MARS1: variants seen among roughly 807,000 people sequenced by gnomAD.
MARS1 encodes the protein methionyl-tRNA synthetase 1.
A neutral mutation model predicts 119.5 loss-of-function variants in MARS1; 80 were observed. That is an observed-to-expected ratio of 0.67 (90% CI 0.56 to 0.81). The LOEUF (loss-of-function observed/expected upper bound fraction) is 0.81. Among genes scored for constraint, MARS1 ranks in the 30% least tolerant of loss-of-function variants. The pLI, the probability that MARS1 is intolerant of heterozygous loss-of-function variation, is 0.00. For missense variants in MARS1, 945 were observed against 1,116.5 expected, an observed-to-expected ratio of 0.85 and a Z score of 2.19; for synonymous variants, 418 against 433.4, an observed-to-expected ratio of 0.96 and a Z score of 0.44.
At chr12:57,506,020 T>C (rs1281417579) in intron 11 of MARS1, among the ~76,000 whole-genome samples, 2 of 151,520 alleles carry the variant, frequency 1.3e-5, no homozygotes, top group African/African-American at 4.9e-5. Context: ...TTGCAAGGGC[T>C]ACCTAGGTGG....
intron 11 of MARS1, among the ~76,000 whole-genome samples, chr12:57,509,611 T>G (rs1244193347): frequency 6.6e-6 from 1 of 152,162 alleles, no homozygotes. Context: ...GGTTTCACCA[T>G]GTTGGCCAGG....
At chr12:57,488,451 C>T (rs974404097) in intron 1 of MARS1, 1 of 1,001,388 alleles carries the variant, frequency 1.0e-6, no homozygotes, top group Admixed American at 2.2e-5. Flanking sequence ...CCCCGCCTCA[C>T]CCCAGTAAAC....
rs562565076 is a variant in MARS1 at position 57,504,268 on chromosome 12, C to T, written c.1337C>T (p.Ser446Leu). ...KVCRSCPVVQ[S>L]SQHLFLDLPK... ...TGCCGATCATGCCCTGTGGTGCAGT[C>T]GAGCCAGCACCTGTTTCTGGACCTG... Residue 446 changes from serine to leucine, a missense_variant, in exon 11 of 21, where the codon TCG becomes TTG. Ser to Leu is a moderately radical substitution (Grantham distance 145). Coordinates refer to ENST00000262027, the MANE Select transcript of MARS1 (RefSeq NM_004990.4). The T allele has an allele frequency of 1.4e-5, 23 of 1,614,024 alleles. No homozygotes were observed. The highest frequency in any genetic ancestry group is 6.7e-5 in the African/African-American group (5 of 74,910).
chr12:57,508,760 C>T (rs948308736), intron 11 of MARS1, among the ~76,000 whole-genome samples: 4 of 151,182 alleles, frequency 2.6e-5, no homozygotes, highest in African/African-American at 7.3e-5. Context: ...TGGGGTTTCA[C>T]TATGTTGGCC....
At chr12:57,513,345 A>G (rs1239230992) in intron 15 of MARS1, among the ~76,000 whole-genome samples, 1 of 152,134 alleles carries the variant, frequency 6.6e-6, no homozygotes, top group East Asian at 1.9e-4. Flanking sequence ...TGGGCTGGGC[A>G]TGGTGGCTTA....
rs955139801 is a variant in MARS1 at position 57,493,561 on chromosome 12, A to T, written c.770+2917A>T. On this transcript the variant is annotated intron_variant, in intron 7 of 20. Coordinates refer to ENST00000262027, the MANE Select transcript of MARS1 (RefSeq NM_004990.4). Reference sequence around the variant, plus strand: ...TAATATATTATAATATATAATATATAATATATTATAATATATAATATATAA... The same window carrying T: ...TAATATATTATAATATATAATATATTATATATTATAATATATAATATATAA... 1.6e-3 allele frequency among the ~76,000 whole-genome samples: 3 copies of T among 1,878 alleles called. 1 individual carries two copies. Among genetic ancestry groups the T allele is most frequent in the South Asian group, 0.042 (1 of 24 alleles). The allele number at this position is 1,878 out of a possible 152,430, so 1.2% of individuals were successfully genotyped here. A position where few individuals can be genotyped will look rare whatever the true frequency, so the allele number is the denominator to read the frequency against.
chr12:57,491,242 G>GCCATAC (rs1303796366), intron 7 of MARS1, among the ~76,000 whole-genome samples: 1 of 152,044 alleles, frequency 6.6e-6, no homozygotes, highest in Non-Finnish European at 1.5e-5. Context: ...GTCCAGATCT[G>GCCATAC]TATTCTGAAC....
intron 11 of MARS1, among the ~76,000 whole-genome samples, chr12:57,505,561 A>G (rs1318147683): frequency 6.6e-6 from 1 of 152,168 alleles, no homozygotes; most frequent in African/African-American, 2.4e-5. Context: ...CTGTAATCCT[A>G]GCACTTTAGG....
At chr12:57,495,978 A>AGGGAGACCGTGGAAAGT (rs1359685630) in intron 7 of MARS1, among the ~76,000 whole-genome samples, 4 of 152,184 alleles carry the variant, frequency 2.6e-5, no homozygotes, top group Non-Finnish European at 2.9e-5. Flanking sequence ...TCGGCATCAG[A>AGGGAGACCGTGGAAAGT]GGGAGACCGT....
In MARS1 at chr12:57,511,859, T is replaced by A. The variant is rs1242925582; in HGVS notation, c.1530T>A (p.Phe510Leu). 2 of 1,613,958 alleles carry A rather than the reference T, an allele frequency of 1.2e-6. No homozygotes were observed. The highest frequency in any genetic ancestry group is 1.7e-6 in the Non-Finnish European group (2 of 1,179,946). Residue 510 changes from phenylalanine to leucine, a missense_variant, in exon 12 of 21, where the codon TTT (phenylalanine) becomes TTA (leucine). Physicochemically the swap from Phe to Leu is conservative, Grantham distance 22. Coordinates refer to ENST00000262027, the MANE Select transcript of MARS1 (RefSeq NM_004990.4). ...GAACCCCTGTACCCTTAGAAGGTTT[T>A]GAAGACAAGGTAAAAACCCTTTTTT... is the stretch of plus-strand genomic sequence containing the variant. ...KWGTPVPLEGFEDKVFYVWFD... is the reference protein window; with the variant it reads ...KWGTPVPLEGLEDKVFYVWFD...
chr12:57,495,622 C>G (rs1478761145), intron 7 of MARS1, among the ~76,000 whole-genome samples: 3 of 152,208 alleles, frequency 2.0e-5, no homozygotes, highest in Admixed American at 2.0e-4. Context: ...AGGCTGCAAT[C>G]TTGGCACTTT....
intron 8 of MARS1, 54 bp downstream of exon 8, chr12:57,498,327 G>A (rs925177618): frequency 1.3e-6 from 2 of 1,598,154 alleles, no homozygotes; most frequent in African/African-American, 1.3e-5. Flanking sequence ...GGTCCCAGGG[G>A]AATAGGATGC....
rs1176823331 is a variant in MARS1 at position 57,516,575 on chromosome 12, AAAGT to A, written c.2700_2703del (p.Ter901ArgfsTer12). The A allele has an allele frequency of 1.9e-6, 3 of 1,574,464 alleles. No individual in the cohort carries two copies. The highest frequency in any genetic ancestry group is 2.6e-6 in the Non-Finnish European group (3 of 1,167,800). ...CTGAAGCCCCTAAAGGCAAGAAGAA[AAAGT>A]AAAAGACCTTGGCTCATAGAAAGTC... On this transcript the variant is annotated frameshift_variant and stop_lost, in exon 21 of 21. Transcript: ENST00000262027. LOFTEE classifies it high-confidence loss of function.
At chr12:57,492,887 CGGG>C (rs1347681431) in intron 7 of MARS1, among the ~76,000 whole-genome samples, 1 of 151,960 alleles carries the variant, frequency 6.6e-6, no homozygotes, top group African/African-American at 2.4e-5. Flanking sequence ...GCTGGTCAGT[CGGG>C]GGCACATGGG....
At position 57,515,265 on chromosome 12, in the gene MARS1, C is replaced by A; in HGVS notation, c.2320C>A (p.Pro774Thr). 6.2e-7 allele frequency: 1 copy of A among 1,614,054 alleles called. No homozygotes were observed. Among genetic ancestry groups the A allele is most frequent in the Non-Finnish European group, 8.5e-7 (1 of 1,180,026 alleles). The change falls in exon 18 of 21, where the codon CCA (proline) becomes ACA (threonine). Residue 774 changes from proline (P) to threonine (T), a missense_variant. Transcript: ENST00000262027. Reference sequence around the variant, plus strand: ...CACAATCCAGGCCCAGCTGCAGCTCCCACCTCCAGCCTGCAGTATCCTGCT... The same window carrying A: ...CACAATCCAGGCCCAGCTGCAGCTCACACCTCCAGCCTGCAGTATCCTGCT... ...SATIQAQLQL[P>T]PPACSILLTN... is the part of the protein sequence containing the mutation.
In MARS1 at chr12:57,510,292, T is replaced by C. The variant is rs1324053165; in HGVS notation, c.1369-1406T>C. Among the ~76,000 whole-genome samples the C allele has an allele frequency of 2.0e-5, 3 of 151,318 alleles. No homozygotes were observed. In the East Asian group the frequency reaches 5.9e-4, roughly 30 times the overall value. On this transcript the variant is annotated intron_variant, in intron 11 of 20. Coordinates refer to ENST00000262027, the MANE Select transcript of MARS1 (RefSeq NM_004990.4). Reference sequence around the variant, plus strand: ...ACCGAGACCATCCTGGCCAACGTGGTGAAACCCCATCTCTACTAAAAATAC... The same window carrying C: ...ACCGAGACCATCCTGGCCAACGTGGCGAAACCCCATCTCTACTAAAAATAC...
At chr12:57,512,200 G>A (rs755218831) in intron 13 of MARS1, 36 bp from the exon 14 acceptor site, 49 of 1,603,022 alleles carry the variant, frequency 3.1e-5, no homozygotes, top group Non-Finnish European at 4.1e-5. Context: ...CTTTGAAGGA[G>A]GTCTCAGGAA....
In MARS1 at chr12:57,490,322, C is replaced by T. The variant is rs2139999596; in HGVS notation, c.606C>T (p.Leu202=). 1 of 1,612,780 alleles carries T rather than the reference C, an allele frequency of 6.2e-7. No homozygotes were observed. The highest frequency in any genetic ancestry group is 1.3e-5 in the African/African-American group (1 of 75,018). ...GTGTCCTGGCTCTCCGGCCTTACCTCCAAAAGCAGCCCCAGCCCAGCCCCG... is the reference window on the plus strand; with the variant it reads ...GTGTCCTGGCTCTCCGGCCTTACCTTCAAAAGCAGCCCCAGCCCAGCCCCG... ...QQGVLALRPY[L]QKQPQPSPAE... The change falls in exon 6 of 21, where the codon CTC becomes CTT. Residue 202 remains leucine (L), a synonymous_variant. Transcript: ENST00000262027.
At chr12:57,490,030 G>T in intron 5 of MARS1, 59 bp downstream of exon 5, 1 of 1,524,452 alleles carries the variant, frequency 6.6e-7, no homozygotes, top group Non-Finnish European at 9.1e-7. Context: ...TACAGAATGG[G>T]CAGTAGAATA....
Sources: allele counts gnomAD v4.1 joint callset (sites outside exome capture counted in the v4.1 genomes callset), GRCh38; gene constraint gnomAD v4.1.1; transcripts MANE v1.5; gene names NCBI Gene and HGNC (gene_info 2026-07-23, HGNC 2026-07-21).